The following PARD6G variants were observed in gnomAD, a reference collection of about 807,000 sequenced individuals.
The protein encoded by PARD6G is par-6 family cell polarity regulator gamma.
A neutral mutation model predicts 10.7 loss-of-function variants in PARD6G; 7 were observed. The ratio of observed to expected loss-of-function variants is 0.66; its 90% CI spans 0.37 to 1.23. PARD6G has a LOEUF of 1.23. PARD6G is among the 50% of genes most tolerant of loss of function. The probability of loss-of-function intolerance (pLI) is 0.02; values close to 1 mark genes in which losing one functional copy is unlikely to be tolerated. For synonymous variants in PARD6G, 287 were observed against 269.4 expected, an observed-to-expected ratio of 1.07 and a Z score of -0.64; for missense variants, 548 against 571.8, an observed-to-expected ratio of 0.96 and a Z score of 0.42.
Position 80,247,141 on chromosome 18 carries a change from G to GGCGCGCGGCGCC in PARD6G, c.72+124_72+135dup, listed in dbSNP as rs1967561514. ...GTCCCCAGTGCGCGTCCCGCGGAGC[G>GGCGCGCGGCGCC]GCGCGCGGCGCCCGAACTGGAAAGT... On this transcript the variant is annotated intron_variant, in intron 1 of 2. Transcript: ENST00000353265. This position sits in a 1 kb window ranked among gnomAD's most constrained non-coding sequence, Gnocchi z 4.2. The GGCGCGCGGCGCC allele has an allele frequency of 1.8e-6, 1 of 554,654 alleles. No individual in the cohort carries two copies. The highest frequency in any genetic ancestry group is 2.9e-6 in the Non-Finnish European group (1 of 349,046). The allele number at this position is 554,654 out of a possible 1,614,324, so 34.4% of individuals were successfully genotyped here.
rs559567239 is a variant in PARD6G, at chr18:80,181,986, C to T, written c.295+20724G>A. ...AGCCCTTTGCAGAGTTCAGAGCTCTCGCAGGCCTCGTGTTCAACTCCTCAT... is the reference window on the plus strand; with the variant it reads ...AGCCCTTTGCAGAGTTCAGAGCTCTTGCAGGCCTCGTGTTCAACTCCTCAT... On this transcript the variant is annotated intron_variant, in intron 2 of 2. Transcript: ENST00000353265. This position sits in a 1 kb window ranked among gnomAD's most constrained non-coding sequence, Gnocchi z 7.9. Among the ~76,000 whole-genome samples, 1 of 152,274 alleles carries T rather than the reference C, an allele frequency of 6.6e-6. No homozygotes were observed. The highest frequency in any genetic ancestry group is 2.1e-4 in the South Asian group (1 of 4,820).
chr18:80,232,889 C>A (rs1043354563), intron 1 of PARD6G, among the ~76,000 whole-genome samples: 1 of 152,232 alleles, frequency 6.6e-6, no homozygotes, highest in African/African-American at 2.4e-5. Flanking sequence ...GGCCACATCC[C>A]TGGGGAACTG....
chr18:80,230,816 G>T (rs2145301441), intron 1 of PARD6G, among the ~76,000 whole-genome samples: 1 of 152,308 alleles, frequency 6.6e-6, no homozygotes, highest in South Asian at 2.1e-4. Flanking sequence ...ATACAGGAGA[G>T]AAGTCAGAGT....
At chr18:80,165,158 G>A (rs1203183255) in intron 2 of PARD6G, among the ~76,000 whole-genome samples, 1 of 152,182 alleles carries the variant, frequency 6.6e-6, no homozygotes, top group African/African-American at 2.4e-5. Flanking sequence ...AGGTTCTGCA[G>A]GAGACCAGGG....
rs1178105863 is a variant in PARD6G at position 80,180,795 on chromosome 18, C to G, written c.296-20189G>C. On this transcript the variant is annotated intron_variant, in intron 2 of 2. Coordinates refer to ENST00000353265, the MANE Select transcript of PARD6G (RefSeq NM_032510.4). The surrounding 1 kb of genome is among the most constrained non-coding windows in gnomAD (Gnocchi z 5.6). The stretch of plus-strand genomic sequence containing the variant: ...ACAACAGAGAGCCCACCACAGGGGA[C>G]AGCCACAACTTAGCCCCGTGGTTCT... 6.6e-6 allele frequency among the ~76,000 whole-genome samples: 1 copy of G among 152,160 alleles called. No homozygotes were observed. The highest frequency in any genetic ancestry group is 2.4e-5 in the African/African-American group (1 of 41,432).
At chr18:80,168,476 G>A (rs2052751365) in intron 2 of PARD6G, among the ~76,000 whole-genome samples, 1 of 151,568 alleles carries the variant, frequency 6.6e-6, no homozygotes, top group Non-Finnish European at 1.5e-5. Context: ...GTTAAATCTG[G>A]TATTTTCCAC....
intron 2 of PARD6G, among the ~76,000 whole-genome samples, chr18:80,174,689 T>G (rs2052797517): frequency 6.6e-6 from 1 of 151,466 alleles, no homozygotes; most frequent in African/African-American, 2.4e-5. Context: ...GTGCGGTGGC[T>G]CACGCCTGTA....
At chr18:80,164,954 G>A (rs556373992) in intron 2 of PARD6G, among the ~76,000 whole-genome samples, 24 of 152,310 alleles carry the variant, frequency 1.6e-4, no homozygotes, top group African/African-American at 3.4e-4. Flanking sequence ...AGGAAAAAGC[G>A]GAACCACTGA....
rs929643562 is a variant in PARD6G, at chr18:80,200,868, G to A, written c.295+1842C>T. 2.0e-5 allele frequency among the ~76,000 whole-genome samples: 3 copies of A among 152,176 alleles called. No individual in the cohort carries two copies. The highest frequency in any genetic ancestry group is 2.1e-4 in the South Asian group (1 of 4,830). ...CATCCCCAGTAGAGGGTGCCAAGACGCCTGGGGCCCACCTCCAAAGGGCAC... is the reference window on the plus strand; with the variant it reads ...CATCCCCAGTAGAGGGTGCCAAGACACCTGGGGCCCACCTCCAAAGGGCAC... On this transcript the variant is annotated intron_variant, in intron 2 of 2. Transcript: ENST00000353265. This position sits in a 1 kb window ranked among gnomAD's most constrained non-coding sequence, Gnocchi z 4.4.
chr18:80,235,646 GA>G (rs1967413125), intron 1 of PARD6G, among the ~76,000 whole-genome samples: 1 of 152,070 alleles, frequency 6.6e-6, no homozygotes, highest in African/African-American at 2.4e-5. Context: ...GAATCAAATA[GA>G]AGCAATAAAA....
At chr18:80,233,820 T>G (rs767086267) in intron 1 of PARD6G, among the ~76,000 whole-genome samples, 1 of 152,134 alleles carries the variant, frequency 6.6e-6, no homozygotes, top group African/African-American at 2.4e-5. Context: ...TCTCACACCT[T>G]AGAACTGACT....
chr18:80,176,176 G>A (rs2052806912), intron 2 of PARD6G, among the ~76,000 whole-genome samples: 1 of 152,244 alleles, frequency 6.6e-6, no homozygotes, highest in African/African-American at 2.4e-5. Flanking sequence ...AGTATCCGTG[G>A]TATAGAGAAG....
At chr18:80,232,541 T>C (rs1452708786) in intron 1 of PARD6G, among the ~76,000 whole-genome samples, 3 of 152,064 alleles carry the variant, frequency 2.0e-5, no homozygotes, top group Non-Finnish European at 4.4e-5. Flanking sequence ...AAACCCCTGA[T>C]AAAACCATCA....
chr18:80,192,826 G>A lies in PARD6G; in HGVS notation c.295+9884C>T, dbSNP rs538481809. 5.3e-5 allele frequency among the ~76,000 whole-genome samples: 8 copies of A among 152,214 alleles called. No homozygotes were observed. The East Asian group carries it at 5.8e-4, about 11-fold the overall frequency. ...CAGGGACCCTCCTGGCTCGCCGGCC[G>A]TGGGAGCTGGGCTGTCAGTCCTCCC... On this transcript the variant is annotated intron_variant, in intron 2 of 2. Transcript: ENST00000353265. This position sits in a 1 kb window ranked among gnomAD's most constrained non-coding sequence, Gnocchi z 4.9.
chr18:80,176,820 C>T (rs1003148114), intron 2 of PARD6G, among the ~76,000 whole-genome samples: 1 of 152,090 alleles, frequency 6.6e-6, no homozygotes, highest in Non-Finnish European at 1.5e-5. Flanking sequence ...ATGTAAACAG[C>T]CCTTCACGAT....
In PARD6G at chr18:80,182,827, A is replaced by G; in HGVS notation, c.295+19883T>C. 2.6e-6 allele frequency: 1 copy of G among 387,116 alleles called. No individual in the cohort carries two copies. Among genetic ancestry groups the G allele is most frequent in the Non-Finnish European group, 4.6e-6 (1 of 216,834 alleles). 24.0% of individuals were successfully genotyped at this position (387,116 alleles called of 1,614,324 possible). A position where few individuals can be genotyped will look rare whatever the true frequency, so the allele number is the denominator to read the frequency against. On this transcript the variant is annotated intron_variant, in intron 2 of 2. Coordinates refer to ENST00000353265, the MANE Select transcript of PARD6G (RefSeq NM_032510.4). The surrounding 1 kb of genome is among the most constrained non-coding windows in gnomAD (Gnocchi z 4.5). ...AAAATGACAAGTTACTATTTTGGGC[A>G]GGACAAATGTTCCCAGAGAACTTTT...
intron 2 of PARD6G, among the ~76,000 whole-genome samples, chr18:80,172,028 G>C (rs754704700): frequency 1.2e-4 from 18 of 152,278 alleles, no homozygotes; most frequent in Middle Eastern, 3.4e-3. Flanking sequence ...GTTTTTGTGT[G>C]GACACGTTTT....
chr18:80,246,634 G>T lies in PARD6G; in HGVS notation c.72+643C>A, dbSNP rs1183972329. Among the ~76,000 whole-genome samples the T allele has an allele frequency of 6.6e-6, 1 of 150,400 alleles. No homozygotes were observed. The highest frequency in any genetic ancestry group is 2.4e-5 in the African/African-American group (1 of 40,852). On this transcript the variant is annotated intron_variant, in intron 1 of 2. Coordinates refer to ENST00000353265, the MANE Select transcript of PARD6G (RefSeq NM_032510.4). The surrounding 1 kb of genome is among the most constrained non-coding windows in gnomAD (Gnocchi z 6.7). Reference sequence around the variant, plus strand: ...TCTGGGGTGGGGGCGCGCCCGTGGGGGTGGGGTGGGGTGTCTGGCCCGGGG... The same window carrying T: ...TCTGGGGTGGGGGCGCGCCCGTGGGTGTGGGGTGGGGTGTCTGGCCCGGGG...
At chr18:80,171,368 GCCCCATCCCT>G (rs1048357200) in intron 2 of PARD6G, 3 of 152,204 alleles carry the variant, frequency 2.0e-5, no homozygotes, top group African/African-American at 7.2e-5. Flanking sequence ...GCGCATCCAG[GCCCCATCCCT>G]CCCCGAATTC....
Sources: allele counts gnomAD v4.1 joint callset (sites outside exome capture counted in the v4.1 genomes callset), GRCh38; gene constraint gnomAD v4.1.1; non-coding constraint Gnocchi (gnomAD v3.1); transcripts MANE v1.5; gene names NCBI Gene and HGNC (gene_info 2026-07-23, HGNC 2026-07-21).